The following LINGO2 variants were observed in gnomAD, a reference collection of about 807,000 sequenced individuals.
The protein encoded by LINGO2 is leucine-rich repeat and immunoglobulin-like domain-containing nogo receptor-interacting protein 2.
Under a neutral mutation model 30.6 loss-of-function variants are expected in LINGO2, and 14 were observed. The observed-to-expected ratio is 0.46, with a 90% CI of 0.30 to 0.72. The LOEUF is 0.72. Ranked by LOEUF, LINGO2 falls within the 30% of genes least tolerant of loss-of-function variation. The pLI, the probability that LINGO2 is intolerant of heterozygous loss-of-function variation, is 0.07. For missense variants in LINGO2, 729 were observed against 751.7 expected (o/e 0.97, Z 0.35); for synonymous variants, 317 against 288.5 (o/e 1.10, Z -1.00).
intron 2 of LINGO2, among the ~76,000 whole-genome samples, chr9:28,425,416 A>G (rs1162947240): frequency 6.6e-6 from 1 of 151,614 alleles, no homozygotes; most frequent in East Asian, 1.9e-4. Flanking sequence ...AACTATTATA[A>G]TATTCATTTT....
At chr9:28,049,193 T>C (rs557007965) in intron 4 of LINGO2, among the ~76,000 whole-genome samples, 2 of 150,968 alleles carry the variant, frequency 1.3e-5, no homozygotes, top group East Asian at 3.9e-4. Context: ...TGGCCCATAG[T>C]CATCCCTTGT....
At chr9:28,474,194 T>A (rs1406037888) in intron 2 of LINGO2, among the ~76,000 whole-genome samples, 2 of 152,166 alleles carry the variant, frequency 1.3e-5, no homozygotes, top group African/African-American at 4.8e-5. Flanking sequence ...GCAATTTTCT[T>A]TGGTAGTTTT....
chr9:28,172,661 A>G (rs1828636355), intron 4 of LINGO2, among the ~76,000 whole-genome samples: 1 of 152,204 alleles, frequency 6.6e-6, no homozygotes, highest in South Asian at 2.1e-4. Context: ...TGGAGAAAGG[A>G]GTTTCAGGAG....
At chr9:28,990,357 C>T in the LINGO2 span, among the ~76,000 whole-genome samples, 18,443 of 152,150 alleles carry the variant, frequency 0.12, 1,103 homozygotes, top group South Asian at 0.16. Flanking sequence ...CTGGGAAGCT[C>T]GAACTGGGTG....
At chr9:28,758,798 G>C in the LINGO2 span, among the ~76,000 whole-genome samples, 3 of 152,018 alleles carry the variant, frequency 2.0e-5, no homozygotes, top group African/African-American at 4.8e-5. Context: ...AGGATAGAAG[G>C]TATCATTAGC....
intron 4 of LINGO2, among the ~76,000 whole-genome samples, chr9:28,178,505 C>T (rs1828810212): frequency 6.6e-6 from 1 of 152,086 alleles, no homozygotes; most frequent in East Asian, 1.9e-4. Flanking sequence ...TTTTAGAATG[C>T]TATAAGCATT....
intron 5 of LINGO2, among the ~76,000 whole-genome samples, chr9:27,994,860 C>T (rs551618567): frequency 1.3e-5 from 2 of 152,246 alleles, no homozygotes; most frequent in African/African-American, 4.8e-5. Context: ...TGGCCCATTC[C>T]CTTAAGCAGC....
rs754690940 is a variant in LINGO2 at position 28,387,547 on chromosome 9, G to T, written c.-278-14679C>A. Among the ~76,000 whole-genome samples the T allele has an allele frequency of 2.0e-5, 3 of 152,322 alleles. 1 individual carries two copies. Among genetic ancestry groups the T allele is most frequent in the South Asian group, 4.1e-4 (2 of 4,828 alleles). On this transcript the variant is annotated intron_variant, in intron 2 of 5. Coordinates refer to ENST00000379992, the Ensembl canonical transcript of LINGO2. ...GCTGTTTGCAATAAATCTTGGTGCT[G>T]CTCACTCTTTGGGTCCACACAGTCT...
rs551279588 is a variant in LINGO2 at position 28,340,087 on chromosome 9, T to C, written c.-246+32749A>G. Among the ~76,000 whole-genome samples, 9 of 152,264 alleles carry C rather than the reference T, an allele frequency of 5.9e-5. No homozygotes were observed. In the South Asian group the frequency reaches 1.7e-3, roughly 28 times the overall value. Reference sequence around the variant, plus strand: ...CTGTATATATACTATTGTTTTGCCATCAGGAGGAATAGAATGATAGTGAAG... The same window carrying C: ...CTGTATATATACTATTGTTTTGCCACCAGGAGGAATAGAATGATAGTGAAG... On this transcript the variant is annotated intron_variant, in intron 3 of 5. Transcript: ENST00000379992.
At chr9:28,507,484 T>C (rs1221822142) in intron 1 of LINGO2, among the ~76,000 whole-genome samples, 14 of 152,096 alleles carry the variant, frequency 9.2e-5, no homozygotes, top group Admixed American at 8.5e-4. Context: ...AGATATTTAA[T>C]AGACATCTCT....
At chr9:28,206,325 T>G (rs1249558824) in intron 4 of LINGO2, among the ~76,000 whole-genome samples, 1 of 152,112 alleles carries the variant, frequency 6.6e-6, no homozygotes, top group Admixed American at 6.5e-5. Flanking sequence ...AGCACTCATC[T>G]CCAAGAGTAG....
At chr9:28,205,406 G>A (rs760435315) in intron 4 of LINGO2, among the ~76,000 whole-genome samples, 11 of 151,952 alleles carry the variant, frequency 7.2e-5, no homozygotes, top group Non-Finnish European at 1.3e-4. Flanking sequence ...TGCCTTCCCC[G>A]ATCTATCCCA....
rs28731012 is a variant in LINGO2, at chr9:28,040,653, C to T, written c.-86-28248G>A. 3.9e-3 allele frequency among the ~76,000 whole-genome samples: 588 copies of T among 152,214 alleles called. 4 individuals are homozygous for T. Among genetic ancestry groups the T allele is most frequent in the African/African-American group, 0.013 (558 of 41,522 alleles). On this transcript the variant is annotated intron_variant, in intron 4 of 5. Coordinates refer to ENST00000379992, the Ensembl canonical transcript of LINGO2. ...TTGGCTATAATACATTGAGTGTCTA[C>T]TACCTAATAGCTGCTTTGCCTTGAC...
chr9:29,095,201 T>C, the LINGO2 span, among the ~76,000 whole-genome samples: 2 of 138,494 alleles, frequency 1.4e-5, 1 homozygote, highest in Non-Finnish European at 3.1e-5. Flanking sequence ...TTGATAAATG[T>C]TTGCAAGGCA....
intron 2 of LINGO2, among the ~76,000 whole-genome samples, chr9:28,394,741 T>G (rs10812799): frequency 0.36 from 54,559 of 152,020 alleles, 10,125 homozygotes; most frequent in Non-Finnish European, 0.38. Flanking sequence ...TACCCAGTAC[T>G]ATACATATAG....
At chr9:28,776,694 A>G in the LINGO2 span, among the ~76,000 whole-genome samples, 1 of 152,154 alleles carries the variant, frequency 6.6e-6, no homozygotes, top group African/African-American at 2.4e-5. Context: ...CTAAACAGAC[A>G]CTGTCTTTCC....
chr9:28,048,884 T>A (rs1016863193), intron 4 of LINGO2, among the ~76,000 whole-genome samples: 1 of 150,836 alleles, frequency 6.6e-6, no homozygotes, highest in African/African-American at 2.5e-5. Context: ...TATGCCAACA[T>A]ATATAGTTAT....
At chr9:28,561,749 G>GTGTGCATATATATATA (rs772157537) in intron 1 of LINGO2, among the ~76,000 whole-genome samples, 3 of 48,754 alleles carry the variant, frequency 6.2e-5, no homozygotes, top group Admixed American at 2.2e-4. Context: ...GTGTGTGTGT[G>GTGTGCATATATATATA]TATATATATA....
exon 6 of LINGO2, chr9:27,950,278 T>C: frequency 6.2e-7 from 1 of 1,613,934 alleles, no homozygotes; most frequent in East Asian, 2.2e-5. Flanking sequence ...TCAAGCTTAG[T>C]GAGATTGGAC....
Sources: allele counts gnomAD v4.1 joint callset (sites outside exome capture counted in the v4.1 genomes callset), GRCh38; gene constraint gnomAD v4.1.1; transcripts MANE v1.5; gene names NCBI Gene and HGNC (gene_info 2026-07-23, HGNC 2026-07-21).